The following N4BP2 variants were observed in gnomAD, a reference collection of about 807,000 sequenced individuals.
The protein encoded by N4BP2 is NEDD4 binding protein 2.
N4BP2 carries 91 observed loss-of-function variants against 152.8 expected under a neutral mutation model. That is an observed-to-expected ratio of 0.60 (90% CI 0.50 to 0.71). The LOEUF (loss-of-function observed/expected upper bound fraction) is 0.71. Among genes scored for constraint, N4BP2 ranks in the 30% least tolerant of loss-of-function variants. N4BP2 has a pLI of 0.00. For synonymous variants in N4BP2, 646 were observed against 705.3 expected, an observed-to-expected ratio of 0.92 and a Z score of 1.33; for missense variants, 1,923 against 2,059.1, an observed-to-expected ratio of 0.93 and a Z score of 1.28.
chr4:40,121,283 A>C lies in N4BP2; in HGVS notation c.3172A>C (p.Thr1058Pro). The C allele has an allele frequency of 1.2e-6, 2 of 1,613,458 alleles. No individual in the cohort carries two copies. Among genetic ancestry groups the C allele is most frequent in the Non-Finnish European group, 1.7e-6 (2 of 1,179,884 alleles). ...TAAGCCGAAAGTTTTCAATATTAAC[A>C]CAAAATCAGACGTTCAAGAAGCAAT... ...GFKPKVFNIN[T>P]KSDVQEAIPY... The change falls in exon 9 of 18, where the codon ACA becomes CCA. Residue 1058 changes from threonine (T) to proline (P), a missense_variant. By Grantham distance (38) the Thr-to-Pro change is conservative. Transcript: ENST00000261435.
At chr4:40,177,164 C>T in the N4BP2 span, among the ~76,000 whole-genome samples, 1 of 152,096 alleles carries the variant, frequency 6.6e-6, no homozygotes, top group Non-Finnish European at 1.5e-5. Context: ...CTAGCTAAAG[C>T]TCAACTCTGA....
At chr4:40,139,285 A>C (rs1258023421) in intron 14 of N4BP2, among the ~76,000 whole-genome samples, 2 of 152,118 alleles carry the variant, frequency 1.3e-5, no homozygotes, top group Non-Finnish European at 2.9e-5. Context: ...TAAAAAGAGA[A>C]AAGGGTCTTG....
intron 11 of N4BP2, 96 bp from the exon 12 acceptor site, chr4:40,126,038 G>A: frequency 2.7e-6 from 2 of 742,456 alleles, no homozygotes; most frequent in Non-Finnish European, 4.0e-6. Context: ...TTAAAAAACT[G>A]TTTCCTTGGT....
chr4:40,171,934 C>T, the N4BP2 span, among the ~76,000 whole-genome samples: 1 of 152,148 alleles, frequency 6.6e-6, no homozygotes, highest in African/African-American at 2.4e-5. Context: ...GAGATGGAGT[C>T]TCACTCTGTC....
chr4:40,144,783 T>G lies in N4BP2; in HGVS notation c.5126T>G (p.Leu1709Ter). Residue 1709 changes from leucine to a stop codon, truncating the protein, a stop_gained, in exon 16 of 18, where the codon TTA becomes TGA. Transcript: ENST00000261435. LOFTEE classifies it high-confidence loss of function. The part of the protein sequence containing the change: ...DEALEHLMRV[L>*]EKKTEEFKQN... ...GCTCTAGAACATTTGATGAGAGTTT[T>G]AGAGAAGAAGACTGAAGGTAGGACT... The G allele has an allele frequency of 6.2e-7, 1 of 1,611,344 alleles. No homozygotes were observed. The highest frequency in any genetic ancestry group is 8.5e-7 in the Non-Finnish European group (1 of 1,178,904).
chr4:40,128,226 A>G (rs1718599339), intron 12 of N4BP2, among the ~76,000 whole-genome samples: 1 of 152,242 alleles, frequency 6.6e-6, no homozygotes, highest in South Asian at 2.1e-4. Flanking sequence ...TCAAGGGAAA[A>G]GAATAATTCT....
chr4:40,159,580 G>T (rs908576392), downstream of N4BP2, among the ~76,000 whole-genome samples: 3 of 152,140 alleles, frequency 2.0e-5, no homozygotes, highest in Non-Finnish European at 4.4e-5. Flanking sequence ...GTGCCAAGTG[G>T]TCTTAAAGAT....
intron 1 of N4BP2, among the ~76,000 whole-genome samples, chr4:40,067,861 G>A (rs1388052335): frequency 1.3e-5 from 2 of 152,042 alleles, no homozygotes; most frequent in Non-Finnish European, 2.9e-5. Context: ...TGTAGTTTTA[G>A]TAGAGATGGC....
At chr4:40,123,926 A>AT (rs36010066) in intron 10 of N4BP2, among the ~76,000 whole-genome samples, 12 of 151,128 alleles carry the variant, frequency 7.9e-5, no homozygotes, top group East Asian at 5.8e-4. Context: ...ATAACAAGAA[A>AT]TTTTTTTTTT....
Position 40,122,065 on chromosome 4 carries a change from A to G in N4BP2, c.3954A>G (p.Pro1318=), listed in dbSNP as rs751181806. The part of the protein sequence containing the change: ...SLEIKRNENF[P]KDYVKFSDEE... ...AAATAAAGAGAAATGAAAATTTTCC[A>G]AAGGATTATGTGAAATTTTCAGATG... is the stretch of plus-strand genomic sequence containing the variant. The change falls in exon 9 of 18, where the codon CCA becomes CCG. Residue 1318 remains proline (P), a synonymous_variant. Coordinates refer to ENST00000261435, the MANE Select transcript of N4BP2 (RefSeq NM_018177.6). 1 of 1,553,352 alleles carries G rather than the reference A, an allele frequency of 6.4e-7. No homozygotes were observed. Among genetic ancestry groups the G allele is most frequent in the Admixed American group, 2.1e-5 (1 of 48,192 alleles).
chr4:40,075,663 TG>T (rs1407347332), intron 2 of N4BP2, among the ~76,000 whole-genome samples: 6 of 152,344 alleles, frequency 3.9e-5, no homozygotes, highest in Non-Finnish European at 8.8e-5. Context: ...CCCAAAGTGC[TG>T]GGGTTACAGG....
intron 7 of N4BP2, among the ~76,000 whole-genome samples, chr4:40,117,654 A>T (rs1309631502): frequency 6.6e-6 from 1 of 151,788 alleles, no homozygotes; most frequent in Non-Finnish European, 1.5e-5. Context: ...AAATACTAGA[A>T]TTTTTTTTCT....
intron 2 of N4BP2, among the ~76,000 whole-genome samples, chr4:40,090,716 T>TG (rs972914863): frequency 6.6e-6 from 1 of 152,144 alleles, no homozygotes; most frequent in African/African-American, 2.4e-5. Flanking sequence ...GCCGATCACC[T>TG]GAGGTCAGGA....
At chr4:40,105,708 A>G (rs955499319) in intron 4 of N4BP2, among the ~76,000 whole-genome samples, 2 of 151,310 alleles carry the variant, frequency 1.3e-5, no homozygotes, top group Non-Finnish European at 2.9e-5. Context: ...GGCCCACCAC[A>G]CCCGGCTCAT....
At chr4:40,059,994 C>CTT (rs140282363) in intron 1 of N4BP2, among the ~76,000 whole-genome samples, 8 of 145,126 alleles carry the variant, frequency 5.5e-5, no homozygotes, top group Admixed American at 2.1e-4. Flanking sequence ...AAACCTTATT[C>CTT]TTTTTTTTTT....
At chr4:40,168,960 A>T in the N4BP2 span, among the ~76,000 whole-genome samples, 2 of 152,084 alleles carry the variant, frequency 1.3e-5, no homozygotes, top group Non-Finnish European at 2.9e-5. Context: ...TCCTGACTTC[A>T]GGTGATCCGC....
intron 2 of N4BP2, among the ~76,000 whole-genome samples, chr4:40,085,703 T>A (rs911116148): frequency 3.9e-5 from 6 of 152,092 alleles, no homozygotes; most frequent in African/African-American, 1.4e-4. Context: ...TGTTTCCAAG[T>A]TGAGAGATGT....
At chr4:40,147,610 A>T (rs2110043535) in intron 16 of N4BP2, among the ~76,000 whole-genome samples, 1 of 141,266 alleles carries the variant, frequency 7.1e-6, no homozygotes, top group East Asian at 2.4e-4. Context: ...TCCCTCCCGG[A>T]CGGGGCGGCT....
At chr4:40,147,278 C>G (rs1242560204) in intron 16 of N4BP2, among the ~76,000 whole-genome samples, 3 of 152,190 alleles carry the variant, frequency 2.0e-5, no homozygotes, top group Middle Eastern at 3.4e-3. Flanking sequence ...TTTCTTAGTA[C>G]AGAACAAAAT....
Sources: gnomAD v4.1 joint callset for allele counts (sites outside exome capture counted in the v4.1 genomes callset) on GRCh38, gnomAD v4.1.1 for gene constraint, MANE v1.5 for transcripts, NCBI Gene and HGNC (gene_info 2026-07-23, HGNC 2026-07-21) for gene names.